CTNND2: variants seen among roughly 807,000 people sequenced by gnomAD.
The protein encoded by CTNND2 is catenin delta-2.
In CTNND2, 22 loss-of-function variants were observed where a neutral mutation model predicts 144.4. The observed-to-expected ratio is 0.15, with a 90% confidence interval of 0.11 to 0.22. The LOEUF is 0.22. Among genes scored for constraint, CTNND2 ranks in the 10% least tolerant of loss-of-function variants. CTNND2 has a pLI of 1.00. For synonymous variants in CTNND2, 751 were observed against 695.6 expected, an observed-to-expected ratio of 1.08 and a Z score of -1.25; for missense variants, 1,353 against 1,618.8, an observed-to-expected ratio of 0.84 and a Z score of 2.82.
At chr5:11,171,101 C>G (rs1436485989) in intron 11 of CTNND2, among the ~76,000 whole-genome samples, 1 of 152,182 alleles carries the variant, frequency 6.6e-6, no homozygotes, top group African/African-American at 2.4e-5. Context: ...CAGAGCCAAA[C>G]TATATCAGAT....
At chr5:11,007,643 T>C (rs1197325832) in intron 18 of CTNND2, among the ~76,000 whole-genome samples, 3 of 152,254 alleles carry the variant, frequency 2.0e-5, no homozygotes, top group Admixed American at 6.5e-5. Context: ...CCTCCCTGCA[T>C]AGGGCAAAGG....
intron 14 of CTNND2, among the ~76,000 whole-genome samples, chr5:11,101,645 T>G (rs532949011): frequency 6.6e-6 from 1 of 152,336 alleles, no homozygotes; most frequent in African/African-American, 2.4e-5. Context: ...AACACAAGAC[T>G]AAACTTACAA....
intron 2 of CTNND2, among the ~76,000 whole-genome samples, chr5:11,610,827 CAA>C (rs2126379429): frequency 6.6e-6 from 1 of 152,246 alleles, no homozygotes; most frequent in East Asian, 1.9e-4. Context: ...AGGTAGAAAA[CAA>C]TATTTTTTAC....
intron 1 of CTNND2, among the ~76,000 whole-genome samples, chr5:11,858,757 G>A (rs1245052976): frequency 3.3e-5 from 5 of 152,040 alleles, no homozygotes; most frequent in East Asian, 1.9e-4. Context: ...GTGAAACTCC[G>A]TCTCTACTAA....
chr5:11,132,918 T>G (rs1755761824), intron 12 of CTNND2, among the ~76,000 whole-genome samples: 1 of 152,170 alleles, frequency 6.6e-6, no homozygotes, highest in Non-Finnish European at 1.5e-5. Context: ...GACAACTTAT[T>G]TAGTAGTTTT....
intron 13 of CTNND2, 85 bp from the exon 14 acceptor site, chr5:11,111,128 C>T (rs748006863): frequency 1.6e-5 from 22 of 1,382,716 alleles, no homozygotes; most frequent in Non-Finnish European, 2.1e-5. Flanking sequence ...GCCTCTTTCT[C>T]CATGGACACA....
chr5:11,060,386 C>A (rs1746830365), intron 16 of CTNND2, among the ~76,000 whole-genome samples: 1 of 151,910 alleles, frequency 6.6e-6, no homozygotes, highest in South Asian at 2.1e-4. Context: ...GTCCCAGAAG[C>A]CATATAGTAA....
At chr5:11,817,407 GAGGGAGAGAGAGAGAGAGAGAGAGAGA>G (rs1458090457) in intron 1 of CTNND2, among the ~76,000 whole-genome samples, 1,450 of 12,776 alleles carry the variant, frequency 0.11, 311 homozygotes, top group Non-Finnish European at 0.16. Context: ...AGAGAGAGAG[GAGGGAGAGAGAGAGAGAGAGAGAGAGA>G]GAGAGAGAGA....
intron 5 of CTNND2, among the ~76,000 whole-genome samples, chr5:11,399,886 A>G (rs1760478457): frequency 6.6e-6 from 1 of 152,214 alleles, no homozygotes; most frequent in Admixed American, 6.5e-5. Context: ...ATGTTTTTCC[A>G]TTGCTCACTA....
intron 2 of CTNND2, among the ~76,000 whole-genome samples, chr5:11,614,271 G>A (rs1220486603): frequency 1.3e-5 from 2 of 152,144 alleles, no homozygotes; most frequent in African/African-American, 4.8e-5. Flanking sequence ...AATTTACAAA[G>A]TTACATAATG....
intron 3 of CTNND2, among the ~76,000 whole-genome samples, chr5:11,490,719 T>C (rs1298313015): frequency 1.3e-5 from 2 of 152,224 alleles, no homozygotes; most frequent in East Asian, 3.8e-4. Flanking sequence ...CATTCTTAAA[T>C]ATTAATGAAT....
intron 9 of CTNND2, among the ~76,000 whole-genome samples, chr5:11,303,222 T>G (rs1043764943): frequency 6.6e-6 from 1 of 152,238 alleles, no homozygotes; most frequent in Non-Finnish European, 1.5e-5. Flanking sequence ...GTTTGAGATA[T>G]AAATTCAGTC....
At chr5:11,215,019 C>T (rs1233413923) in intron 10 of CTNND2, among the ~76,000 whole-genome samples, 5 of 152,190 alleles carry the variant, frequency 3.3e-5, no homozygotes, top group Admixed American at 1.3e-4. Flanking sequence ...AGATCTTGCC[C>T]GACTTGCTCA....
intron 3 of CTNND2, among the ~76,000 whole-genome samples, chr5:11,488,456 G>A (rs17805573): frequency 0.087 from 13,211 of 151,890 alleles, 722 homozygotes; most frequent in Non-Finnish European, 0.13. Context: ...CCAAAAATGC[G>A]GTTCCATTAC....
At chr5:11,231,175 G>T (rs1336269461) in intron 10 of CTNND2, among the ~76,000 whole-genome samples, 1 of 152,092 alleles carries the variant, frequency 6.6e-6, no homozygotes, top group Non-Finnish European at 1.5e-5. Context: ...TGCCATGATT[G>T]TAAGTTTTCT....
intron 9 of CTNND2, among the ~76,000 whole-genome samples, chr5:11,239,701 C>T (rs1430817200): frequency 6.6e-6 from 1 of 152,236 alleles, no homozygotes; most frequent in South Asian, 2.1e-4. Flanking sequence ...TCTGCCTGGC[C>T]CTGGCCTGCC....
chr5:11,444,967 G>C (rs1464002390), intron 3 of CTNND2, among the ~76,000 whole-genome samples: 5 of 152,156 alleles, frequency 3.3e-5, no homozygotes, highest in Non-Finnish European at 4.4e-5. Flanking sequence ...AGTGTGAGGG[G>C]CTTGCTTGTC....
At chr5:11,131,633 A>G (rs959474171) in intron 12 of CTNND2, among the ~76,000 whole-genome samples, 3 of 152,054 alleles carry the variant, frequency 2.0e-5, no homozygotes, top group Non-Finnish European at 2.9e-5. Flanking sequence ...TAAAAAAATA[A>G]AAAAAATTAG....
chr5:11,524,883 T>C (rs1024535992), intron 3 of CTNND2, among the ~76,000 whole-genome samples: 5 of 152,184 alleles, frequency 3.3e-5, no homozygotes, highest in African/African-American at 7.2e-5. Context: ...GACTACAATG[T>C]TGTCCTTTTA....
Sources: gnomAD v4.1 joint callset for allele counts (sites outside exome capture counted in the v4.1 genomes callset) on GRCh38, gnomAD v4.1.1 for gene constraint, MANE v1.5 for transcripts, NCBI Gene and HGNC (gene_info 2026-07-23, HGNC 2026-07-21) for gene names.